CACNB2: variants seen among roughly 807,000 people sequenced by gnomAD.
The protein encoded by CACNB2 is voltage-dependent L-type calcium channel subunit beta-2.
CACNB2 carries 42 observed loss-of-function variants against 73.3 expected under a neutral mutation model. The observed-to-expected ratio is 0.57, with a 90% confidence interval of 0.45 to 0.74. CACNB2 has a LOEUF of 0.74. CACNB2 is among the 30% of genes least tolerant of loss of function. The pLI, the probability that CACNB2 is intolerant of heterozygous loss-of-function variation, is 0.00. For missense variants in CACNB2, 940 were observed against 853.0 expected (o/e 1.10, Z -1.27); for synonymous variants, 348 against 310.3 (o/e 1.12, Z -1.28).
At chr10:18,514,431 G>T (rs2051074267) in intron 7 of CACNB2, 62 bp downstream of exon 7, 2 of 1,613,646 alleles carry the variant, frequency 1.2e-6, no homozygotes, top group African/African-American at 1.3e-5. Context: ...CACATTTCTA[G>T]TCCTGTTGAC....
chr10:18,254,658 T>C (rs1424944917), intron 2 of CACNB2, among the ~76,000 whole-genome samples: 1 of 152,110 alleles, frequency 6.6e-6, no homozygotes, highest in Non-Finnish European at 1.5e-5. Context: ...TGGAATGAAA[T>C]AGAGTGTGCA....
intron 2 of CACNB2, among the ~76,000 whole-genome samples, chr10:18,211,073 A>G (rs1029646148): frequency 3.3e-5 from 5 of 152,210 alleles, no homozygotes; most frequent in African/African-American, 4.8e-5. Context: ...GCTCATGGGA[A>G]GACCTCCATG....
chr10:18,401,825 A>T (rs1267417566), intron 2 of CACNB2, 99 bp from the exon 3 acceptor site: 5 of 1,197,704 alleles, frequency 4.2e-6, no homozygotes, highest in Non-Finnish European at 6.2e-6. Context: ...TCAGGAAAGT[A>T]TAGAACAATC....
intron 7 of CACNB2, among the ~76,000 whole-genome samples, chr10:18,516,916 C>T (rs2051339275): frequency 6.6e-6 from 1 of 151,914 alleles, no homozygotes. Flanking sequence ...TTTGACAGCA[C>T]AGTCATGGTA....
chr10:18,465,266 T>A (rs1009904999), intron 3 of CACNB2, among the ~76,000 whole-genome samples: 4 of 151,854 alleles, frequency 2.6e-5, no homozygotes, highest in African/African-American at 9.7e-5. Flanking sequence ...GGAGTGGGAG[T>A]TTGCAGTGAG....
At chr10:18,372,046 G>A (rs1242157929) in intron 2 of CACNB2, among the ~76,000 whole-genome samples, 2 of 152,080 alleles carry the variant, frequency 1.3e-5, no homozygotes, top group East Asian at 3.9e-4. Flanking sequence ...TTGTTGATGG[G>A]GTTGTTTGTT....
intron 2 of CACNB2, among the ~76,000 whole-genome samples, chr10:18,236,682 C>A (rs2036458755): frequency 6.6e-6 from 1 of 152,112 alleles, no homozygotes; most frequent in African/African-American, 2.4e-5. Flanking sequence ...AAAGTAGTTC[C>A]CCCAAAATGA....
At chr10:18,439,212 C>T (rs1010635103) in intron 3 of CACNB2, among the ~76,000 whole-genome samples, 5 of 152,174 alleles carry the variant, frequency 3.3e-5, no homozygotes, top group African/African-American at 9.7e-5. Context: ...CTGCATTTCA[C>T]GAGATGCTGA....
chr10:18,441,750 TC>T (rs2046420448), intron 3 of CACNB2, among the ~76,000 whole-genome samples: 1 of 152,070 alleles, frequency 6.6e-6, no homozygotes, highest in South Asian at 2.1e-4. Flanking sequence ...TCCTCCCACC[TC>T]AGCCTCCCAA....
chr10:18,335,834 C>T (rs894146176), intron 2 of CACNB2, among the ~76,000 whole-genome samples: 6 of 150,220 alleles, frequency 4.0e-5, no homozygotes, highest in South Asian at 4.2e-4. Flanking sequence ...CATACACACA[C>T]AGTTATTTAG....
intron 3 of CACNB2, among the ~76,000 whole-genome samples, chr10:18,429,947 C>G (rs1445585168): frequency 1.3e-5 from 2 of 152,058 alleles, no homozygotes; most frequent in African/African-American, 4.8e-5. Flanking sequence ...CCACTGCACT[C>G]TACTGTGGGT....
intron 2 of CACNB2, among the ~76,000 whole-genome samples, chr10:18,349,836 C>T (rs913933409): frequency 6.6e-6 from 1 of 152,062 alleles, no homozygotes; most frequent in Admixed American, 6.6e-5. Context: ...ATGGTAAATC[C>T]TATGTTATGC....
intron 1 of CACNB2, among the ~76,000 whole-genome samples, chr10:18,148,426 G>A (rs1000358983): frequency 4.6e-5 from 7 of 152,016 alleles, no homozygotes; most frequent in South Asian, 2.1e-4. Context: ...AGCTAAGTAC[G>A]CCTGAAATAA....
intron 2 of CACNB2, among the ~76,000 whole-genome samples, chr10:18,369,380 G>A (rs1340172958): frequency 1.3e-5 from 2 of 152,124 alleles, no homozygotes; most frequent in Non-Finnish European, 2.9e-5. Flanking sequence ...ATAGGTGGCA[G>A]TAGTCTAAAC....
In CACNB2 at chr10:18,538,314, A is replaced by G. The variant is rs1013180961; in HGVS notation, c.1437A>G (p.Thr479=). ...SSLPNPLLSR[T]LATSSLPLSP... Reference sequence around the variant, plus strand: ...TCCCCAACCCTCTCCTTAGCCGTACATTAGCCACTTCAAGTCTGCCTCTTA... The same window carrying G: ...TCCCCAACCCTCTCCTTAGCCGTACGTTAGCCACTTCAAGTCTGCCTCTTA... The change falls in exon 13 of 14, where the codon ACA becomes ACG. Residue 479 remains threonine (T), a synonymous_variant. Transcript: ENST00000324631. 2 of 1,614,164 alleles carry G rather than the reference A, an allele frequency of 1.2e-6. No homozygotes were observed. Among genetic ancestry groups the G allele is most frequent in the Non-Finnish European group, 1.7e-6 (2 of 1,180,004 alleles).
rs1340751435 is a variant in CACNB2, at chr10:18,140,975, G to A, written c.120+119G>A. ...TAGCCTCGCACCTCCTCCCCTCGTC[G>A]CCTGCCCACCCTCTGCTCCTCTCCT... is the stretch of plus-strand genomic sequence containing the variant. On this transcript the variant is annotated intron_variant, in intron 1 of 13. Coordinates refer to ENST00000324631, the MANE Select transcript of CACNB2 (RefSeq NM_201596.3). 2.6e-6 allele frequency: 4 copies of A among 1,517,744 alleles called. No homozygotes were observed. In the South Asian group the frequency reaches 5.1e-5, roughly 19 times the overall value. 94.0% of individuals were successfully genotyped at this position (1,517,744 alleles called of 1,614,324 possible). A position where few individuals can be genotyped will look rare whatever the true frequency, so the allele number is the denominator to read the frequency against.
intron 2 of CACNB2, among the ~76,000 whole-genome samples, chr10:18,398,714 C>CACACAA: frequency 6.7e-6 from 1 of 149,130 alleles, no homozygotes; most frequent in South Asian, 2.1e-4. Flanking sequence ...CACACACACA[C>CACACAA]AATTGTTTTT....
chr10:18,283,494 A>T (rs533332006), intron 2 of CACNB2, among the ~76,000 whole-genome samples: 20 of 152,274 alleles, frequency 1.3e-4, no homozygotes, highest in African/African-American at 4.6e-4. Context: ...GCAGCCATAA[A>T]AAAGGATGAG....
intron 2 of CACNB2, among the ~76,000 whole-genome samples, chr10:18,392,541 ATT>A (rs2043527185): frequency 6.6e-6 from 1 of 152,136 alleles, no homozygotes; most frequent in Non-Finnish European, 1.5e-5. Flanking sequence ...TCTATGCATT[ATT>A]TTTTCTGCAA....
Sources: gnomAD v4.1 joint callset for allele counts (sites outside exome capture counted in the v4.1 genomes callset) on GRCh38, gnomAD v4.1.1 for gene constraint, MANE v1.5 for transcripts, NCBI Gene and HGNC (gene_info 2026-07-23, HGNC 2026-07-21) for gene names.